The following CDH18 variants were observed in gnomAD, a reference collection of about 807,000 sequenced individuals.
The protein encoded by CDH18 is cadherin-18.
In CDH18, 31 loss-of-function variants were observed where a neutral mutation model predicts 67.9. That is an observed-to-expected ratio of 0.46 (90% CI 0.34 to 0.62). The LOEUF (loss-of-function observed/expected upper bound fraction) is 0.62, where lower values mean the gene tolerates loss of function less well. Ranked by LOEUF, CDH18 falls within the 20% of genes least tolerant of loss-of-function variation. CDH18 has a pLI of 0.01. For synonymous variants in CDH18, 362 were observed against 347.2 expected, an observed-to-expected ratio of 1.04 and a Z score of -0.48; for missense variants, 890 against 975.5, an observed-to-expected ratio of 0.91 and a Z score of 1.17.
intron 2 of CDH18, among the ~76,000 whole-genome samples, chr5:20,082,023 T>C (rs1488581599): frequency 6.6e-6 from 1 of 152,174 alleles, no homozygotes; most frequent in Non-Finnish European, 1.5e-5. Context: ...ATATATGCAG[T>C]ATGTTTTGCC....
intron 2 of CDH18, among the ~76,000 whole-genome samples, chr5:19,918,452 A>G (rs2150158497): frequency 6.6e-6 from 1 of 152,328 alleles, no homozygotes; most frequent in South Asian, 2.1e-4. Context: ...AACACGCCAC[A>G]ACAATTTCTC....
At chr5:20,009,374 T>G (rs958645548) in intron 2 of CDH18, among the ~76,000 whole-genome samples, 6 of 152,102 alleles carry the variant, frequency 3.9e-5, no homozygotes, top group African/African-American at 1.2e-4. Context: ...ATATAATAAA[T>G]GTAATAAATG....
chr5:20,151,605 C>G (rs1424507924), intron 2 of CDH18, among the ~76,000 whole-genome samples: 1 of 152,118 alleles, frequency 6.6e-6, no homozygotes, highest in Non-Finnish European at 1.5e-5. Context: ...TTCTCACCAA[C>G]AGTATATAGT....
At chr5:20,322,572 G>C (rs2150009307) in intron 1 of CDH18, among the ~76,000 whole-genome samples, 1 of 152,178 alleles carries the variant, frequency 6.6e-6, no homozygotes, top group South Asian at 2.1e-4. Context: ...AAATAAATGA[G>C]ATTGTTTATA....
At chr5:19,518,746 G>A (rs1264607657) in intron 10 of CDH18, among the ~76,000 whole-genome samples, 2 of 152,064 alleles carry the variant, frequency 1.3e-5, no homozygotes, top group Admixed American at 6.6e-5. Flanking sequence ...TAATATTGAG[G>A]TTTAGGGACT....
intron 1 of CDH18, among the ~76,000 whole-genome samples, chr5:20,469,865 A>G (rs1209815031): frequency 6.6e-6 from 1 of 152,082 alleles, no homozygotes; most frequent in East Asian, 1.9e-4. Context: ...TGCTGTCAGA[A>G]TTTTGATAGT....
At chr5:19,678,111 G>T (rs769554590) in intron 5 of CDH18, among the ~76,000 whole-genome samples, 13 of 151,710 alleles carry the variant, frequency 8.6e-5, no homozygotes, top group Non-Finnish European at 1.6e-4. Flanking sequence ...AAAGATAATA[G>T]TTGACCAAAT....
chr5:20,206,339 T>C (rs1177168510), intron 2 of CDH18, among the ~76,000 whole-genome samples: 1 of 151,840 alleles, frequency 6.6e-6, no homozygotes, highest in African/African-American at 2.4e-5. Flanking sequence ...ACTGATGCCA[T>C]AATGAAGTCT....
chr5:20,264,129 T>C (rs1744860753), intron 1 of CDH18, among the ~76,000 whole-genome samples: 3 of 152,106 alleles, frequency 2.0e-5, no homozygotes, highest in African/African-American at 7.2e-5. Flanking sequence ...TTAATACATA[T>C]GGATAATTTT....
chr5:20,188,848 C>CAAAAA (rs11390844), intron 2 of CDH18, among the ~76,000 whole-genome samples: 28 of 125,144 alleles, frequency 2.2e-4, no homozygotes, highest in African/African-American at 7.3e-4. Context: ...ATTTTCTAGG[C>CAAAAA]AAAAAAAAAA....
At chr5:19,611,586 C>T (rs1423966377) in intron 6 of CDH18, among the ~76,000 whole-genome samples, 5 of 151,962 alleles carry the variant, frequency 3.3e-5, no homozygotes, top group Non-Finnish European at 5.9e-5. Context: ...AAAGGCATTT[C>T]GCGCTGATTT....
At chr5:19,998,990 G>T (rs903546871) in intron 2 of CDH18, among the ~76,000 whole-genome samples, 4 of 151,984 alleles carry the variant, frequency 2.6e-5, no homozygotes, top group Admixed American at 2.6e-4. Flanking sequence ...TTGAAACAAA[G>T]CATCATGGAA....
At chr5:19,580,132 A>T (rs750900277) in intron 7 of CDH18, among the ~76,000 whole-genome samples, 70 of 151,890 alleles carry the variant, frequency 4.6e-4, no homozygotes, top group Non-Finnish European at 3.1e-4. Context: ...GGTAATTAGC[A>T]TATTGTAATG....
At chr5:19,691,391 A>T (rs1468741366) in intron 5 of CDH18, among the ~76,000 whole-genome samples, 2 of 151,918 alleles carry the variant, frequency 1.3e-5, no homozygotes, top group Non-Finnish European at 2.9e-5. Context: ...ACCTAGCCAT[A>T]GACATCAGAA....
At chr5:20,210,992 A>G (rs1302563526) in intron 2 of CDH18, among the ~76,000 whole-genome samples, 1 of 152,114 alleles carries the variant, frequency 6.6e-6, no homozygotes, top group Non-Finnish European at 1.5e-5. Flanking sequence ...GCAACTTCAT[A>G]AGCACATTTT....
At chr5:20,206,187 A>T (rs532757154) in intron 2 of CDH18, among the ~76,000 whole-genome samples, 101 of 152,064 alleles carry the variant, frequency 6.6e-4, no homozygotes, top group African/African-American at 2.2e-3. Flanking sequence ...TGCAAAAATC[A>T]TTAGACACTA....
At chr5:20,057,226 A>G (rs970831426) in intron 2 of CDH18, among the ~76,000 whole-genome samples, 1 of 152,140 alleles carries the variant, frequency 6.6e-6, no homozygotes, top group Non-Finnish European at 1.5e-5. Flanking sequence ...TACATCATTC[A>G]TTAATCCCTA....
intron 5 of CDH18, among the ~76,000 whole-genome samples, chr5:19,702,148 C>CTTTTTT (rs70950086): frequency 8.7e-6 from 1 of 114,888 alleles, no homozygotes; most frequent in Non-Finnish European, 1.7e-5. Context: ...CTTTCTCTCT[C>CTTTTTT]TTTTTTTTTT....
At chr5:20,104,892 T>A (rs1472949437) in intron 2 of CDH18, among the ~76,000 whole-genome samples, 1 of 152,152 alleles carries the variant, frequency 6.6e-6, no homozygotes, top group Non-Finnish European at 1.5e-5. Flanking sequence ...CCTATACCAT[T>A]TATTGCTCTA....
Sources: allele counts gnomAD v4.1 joint callset (sites outside exome capture counted in the v4.1 genomes callset), GRCh38; gene constraint gnomAD v4.1.1; transcripts MANE v1.5; gene names NCBI Gene and HGNC (gene_info 2026-07-23, HGNC 2026-07-21).